ZDHHC14: variants seen among roughly 807,000 people sequenced by gnomAD.
ZDHHC14 encodes palmitoyltransferase ZDHHC14.
Under a neutral mutation model 47.7 loss-of-function variants are expected in ZDHHC14, and 16 were observed. The observed-to-expected ratio is 0.34, with a 90% confidence interval of 0.23 to 0.51. The LOEUF (loss-of-function observed/expected upper bound fraction) is 0.51. ZDHHC14 is among the 20% of genes least tolerant of loss of function. The pLI is 0.97. For missense variants in ZDHHC14, 515 were observed against 662.5 expected (o/e 0.78, Z 2.44); for synonymous variants, 293 against 278.9 (o/e 1.05, Z -0.50).
intron 2 of ZDHHC14, among the ~76,000 whole-genome samples, chr6:157,558,969 G>A (rs1782591973): frequency 6.6e-6 from 1 of 152,040 alleles, no homozygotes; most frequent in South Asian, 2.1e-4. Context: ...ATGAAAGTGA[G>A]CCCTTTGAGT....
chr6:157,499,479 GC>G (rs1043228228), intron 1 of ZDHHC14, among the ~76,000 whole-genome samples: 6 of 147,280 alleles, frequency 4.1e-5, no homozygotes, highest in Admixed American at 2.0e-4. Context: ...ACCTCTCAAA[GC>G]CCCCCACCCC....
intron 5 of ZDHHC14, among the ~76,000 whole-genome samples, chr6:157,641,169 AT>A (rs577151045): frequency 1.3e-5 from 2 of 151,888 alleles, no homozygotes; most frequent in African/African-American, 4.8e-5. Context: ...ATTAGATTTA[AT>A]TTTTTTTACT....
intron 3 of ZDHHC14, among the ~76,000 whole-genome samples, chr6:157,596,866 C>T (rs1039908983): frequency 3.3e-5 from 5 of 152,160 alleles, no homozygotes; most frequent in African/African-American, 7.2e-5. Context: ...ATGCCACCAT[C>T]GGTGCTCCCA....
chr6:157,542,376 G>A (rs1013847688), intron 1 of ZDHHC14, among the ~76,000 whole-genome samples: 6 of 152,176 alleles, frequency 3.9e-5, no homozygotes, highest in Non-Finnish European at 5.9e-5. Context: ...CGTCATACTG[G>A]GGAGTGGGGG....
At chr6:157,555,210 G>A (rs978209026) in intron 2 of ZDHHC14, among the ~76,000 whole-genome samples, 5 of 152,156 alleles carry the variant, frequency 3.3e-5, no homozygotes, top group African/African-American at 1.2e-4. Flanking sequence ...AGATGATGAG[G>A]TTTTCGTATC....
intron 5 of ZDHHC14, among the ~76,000 whole-genome samples, 175 bp from the exon 6 acceptor site, chr6:157,645,562 C>T (rs1035449788): frequency 6.6e-6 from 1 of 152,206 alleles, no homozygotes; most frequent in Non-Finnish European, 1.5e-5. Flanking sequence ...TGACGGAGGC[C>T]TCCATCTGGT....
intron 1 of ZDHHC14, among the ~76,000 whole-genome samples, chr6:157,452,799 T>G (rs1339426070): frequency 7.1e-6 from 1 of 140,892 alleles, no homozygotes; most frequent in Non-Finnish European, 1.5e-5. Flanking sequence ...GCCTCCCGGG[T>G]TCAAGCGATT....
At chr6:157,478,024 C>T (rs1354127398) in intron 1 of ZDHHC14, among the ~76,000 whole-genome samples, 2 of 152,256 alleles carry the variant, frequency 1.3e-5, no homozygotes, top group Admixed American at 6.5e-5. Context: ...TACCCTTTGT[C>T]ATTCAGTTAA....
intron 3 of ZDHHC14, among the ~76,000 whole-genome samples, chr6:157,602,380 C>T (rs147939480): frequency 0.021 from 3,208 of 150,032 alleles, 124 homozygotes; most frequent in African/African-American, 0.075. Context: ...ATCCCAGCTA[C>T]TAGGAAGGCT....
intron 3 of ZDHHC14, among the ~76,000 whole-genome samples, chr6:157,599,164 A>G (rs1431607395): frequency 1.3e-5 from 2 of 152,240 alleles, no homozygotes; most frequent in Non-Finnish European, 2.9e-5. Context: ...CATGAGAAAT[A>G]GTTAATCTAA....
At chr6:157,452,666 C>T (rs1778827850) in intron 1 of ZDHHC14, among the ~76,000 whole-genome samples, 1 of 142,880 alleles carries the variant, frequency 7.0e-6, no homozygotes, top group Non-Finnish European at 1.5e-5. Context: ...TGGCAAATCT[C>T]ATAAAGATCA....
At chr6:157,641,278 G>A (rs1777236268) in intron 5 of ZDHHC14, among the ~76,000 whole-genome samples, 1 of 152,146 alleles carries the variant, frequency 6.6e-6, no homozygotes, top group South Asian at 2.1e-4. Flanking sequence ...TCTCTGAGTT[G>A]AAGGGAAGCA....
intron 2 of ZDHHC14, among the ~76,000 whole-genome samples, chr6:157,559,702 C>T (rs1782632688): frequency 6.6e-6 from 1 of 152,188 alleles, no homozygotes; most frequent in African/African-American, 2.4e-5. Flanking sequence ...GTCATGAATA[C>T]TATTTTGGAG....
intron 5 of ZDHHC14, among the ~76,000 whole-genome samples, chr6:157,644,983 A>T (rs575227612): frequency 3.0e-4 from 46 of 152,072 alleles, no homozygotes; most frequent in Middle Eastern, 3.4e-3. Flanking sequence ...GTCTTGTGGA[A>T]CTCTTGACTT....
chr6:157,522,522 G>A (rs754988383), intron 1 of ZDHHC14, among the ~76,000 whole-genome samples: 2 of 151,736 alleles, frequency 1.3e-5, no homozygotes, highest in Admixed American at 6.6e-5. Flanking sequence ...TTTTATGATC[G>A]TAGAGAAATA....
chr6:157,461,176 G>A (rs553644778), intron 1 of ZDHHC14, among the ~76,000 whole-genome samples: 1 of 152,270 alleles, frequency 6.6e-6, no homozygotes, highest in African/African-American at 2.4e-5. Flanking sequence ...GGCCACCACC[G>A]TAAACAGTAT....
chr6:157,587,974 G>T (rs755411198), intron 2 of ZDHHC14, among the ~76,000 whole-genome samples: 15 of 152,112 alleles, frequency 9.9e-5, no homozygotes, highest in Non-Finnish European at 2.1e-4. Context: ...TTAAAATTAG[G>T]CTGGGTACTG....
At chr6:157,437,163 G>A (rs1778457156) in intron 1 of ZDHHC14, among the ~76,000 whole-genome samples, 1 of 152,224 alleles carries the variant, frequency 6.6e-6, no homozygotes, top group East Asian at 1.9e-4. Context: ...GCTGGAGCAT[G>A]GGCTCTGCAT....
intron 1 of ZDHHC14, among the ~76,000 whole-genome samples, chr6:157,508,104 C>A (rs1424728844): frequency 1.3e-5 from 2 of 152,156 alleles, no homozygotes; most frequent in Non-Finnish European, 2.9e-5. Context: ...ACCTTGTCCC[C>A]ACCATTCCTT....
Sources: gnomAD v4.1 joint callset for allele counts (sites outside exome capture counted in the v4.1 genomes callset) on GRCh38, gnomAD v4.1.1 for gene constraint, MANE v1.5 for transcripts, NCBI Gene and HGNC (gene_info 2026-07-23, HGNC 2026-07-21) for gene names.